TMEM272: variants seen among roughly 807,000 people sequenced by gnomAD.
The protein encoded by TMEM272 is long intergenic non-protein coding RNA 282.
A neutral mutation model predicts 3.7 loss-of-function variants in TMEM272; 8 were observed. The observed-to-expected ratio is 2.17, with a 90% confidence interval of 1.27 to 3.91. The LOEUF is 3.91. Among genes scored for constraint, TMEM272 ranks in the 30% most tolerant of loss-of-function variants. The pLI, the probability that TMEM272 is intolerant of heterozygous loss-of-function variation, is 0.00. For missense variants in TMEM272, 166 were observed against 91.5 expected (o/e 1.81, Z -3.32); for synonymous variants, 63 against 39.8 (o/e 1.58, Z -2.20).
At chr13:51,824,907 C>G (rs4941713) in intron 3 of TMEM272, among the ~76,000 whole-genome samples, 28,464 of 152,098 alleles carry the variant, frequency 0.19, 3,217 homozygotes, top group East Asian at 0.5. Context: ...GAGCCGAGAT[C>G]GCTCCACTGC....
chr13:51,833,088 G>A (rs529348228), intron 2 of TMEM272, among the ~76,000 whole-genome samples: 17 of 152,248 alleles, frequency 1.1e-4, no homozygotes, highest in African/African-American at 2.2e-4. Context: ...GATTTTTGAC[G>A]GGCTGAGTTG....
At chr13:51,896,642 C>T in the TMEM272 span, among the ~76,000 whole-genome samples, 1 of 152,140 alleles carries the variant, frequency 6.6e-6, no homozygotes, top group Non-Finnish European at 1.5e-5. Flanking sequence ...CAGAGGAGGT[C>T]CATCTCTTCC....
the TMEM272 span, among the ~76,000 whole-genome samples, chr13:51,914,848 T>C: frequency 6.6e-6 from 1 of 152,232 alleles, no homozygotes; most frequent in Admixed American, 6.5e-5. Flanking sequence ...AGGCCCACGT[T>C]TGAACTCCAG....
the TMEM272 span, chr13:51,910,459 C>G: frequency 1.7e-5 from 14 of 842,494 alleles, no homozygotes; most frequent in South Asian, 1.7e-4. Context: ...AAAAAGGGAA[C>G]AGCAACAAAT....
chr13:51,816,960 A>G lies in TMEM272; in HGVS notation c.355T>C (p.Phe119Leu), dbSNP rs1956034764. 2 of 702,936 alleles carry G rather than the reference A, an allele frequency of 2.8e-6. No individual in the cohort carries two copies. Among genetic ancestry groups the G allele is most frequent in the South Asian group, 1.5e-5 (1 of 67,602 alleles). The allele number at this position is 702,936 out of a possible 1,614,324, so 43.5% of individuals were successfully genotyped here. The change falls in exon 5 of 5, where the codon TTC (phenylalanine) becomes CTC (leucine). Residue 119 changes from phenylalanine (F) to leucine (L), a missense_variant. By Grantham distance (22) the Phe-to-Leu change is conservative. Coordinates refer to ENST00000629372, the MANE Select transcript of TMEM272 (RefSeq NM_001351003.2). ...AAGACCCAGTAGTTTCCCAGGATGAACCAGAGGAAGAGGAAGAGGCTCAGC... is the reference window on the plus strand; with the variant it reads ...AAGACCCAGTAGTTTCCCAGGATGAGCCAGAGGAAGAGGAAGAGGCTCAGC... ...LLLSLFLFLW[F>L]ILGNYWVFSV...
chr13:51,872,030 A>G, the TMEM272 span, among the ~76,000 whole-genome samples: 17 of 152,146 alleles, frequency 1.1e-4, no homozygotes, highest in Non-Finnish European at 1.5e-4. Context: ...GCTTCTAATA[A>G]CTGTTTTATC....
At chr13:51,854,140 T>A in the TMEM272 span, among the ~76,000 whole-genome samples, 1 of 152,202 alleles carries the variant, frequency 6.6e-6, no homozygotes. Flanking sequence ...TATATCCTTT[T>A]CAATCCCGTG....
At chr13:51,862,585 G>C in the TMEM272 span, among the ~76,000 whole-genome samples, 1 of 152,110 alleles carries the variant, frequency 6.6e-6, no homozygotes, top group Non-Finnish European at 1.5e-5. Context: ...AGAACATTTC[G>C]CTGGATGCCA....
the TMEM272 span, among the ~76,000 whole-genome samples, chr13:51,928,687 T>C: frequency 6.6e-6 from 1 of 152,048 alleles, no homozygotes; most frequent in African/African-American, 2.4e-5. Context: ...CTGGAGCAGT[T>C]TGTAGAGTGG....
At chr13:51,889,172 G>T in the TMEM272 span, among the ~76,000 whole-genome samples, 1 of 152,170 alleles carries the variant, frequency 6.6e-6, no homozygotes, top group East Asian at 1.9e-4. Context: ...GGGTAGAAGA[G>T]TATCTTTTTT....
chr13:51,899,835 A>G, the TMEM272 span, among the ~76,000 whole-genome samples: 1 of 152,266 alleles, frequency 6.6e-6, no homozygotes, highest in South Asian at 2.1e-4. Flanking sequence ...TTAAATTATG[A>G]ATAGAAATAA....
intron 4 of TMEM272, among the ~76,000 whole-genome samples, chr13:51,818,102 C>G (rs1956049862): frequency 6.6e-6 from 1 of 152,182 alleles, no homozygotes; most frequent in Non-Finnish European, 1.5e-5. Context: ...GGCTACCCAT[C>G]TCTCCCGAGG....
chr13:51,867,666 G>C, the TMEM272 span, among the ~76,000 whole-genome samples: 1 of 152,176 alleles, frequency 6.6e-6, no homozygotes, highest in Admixed American at 6.5e-5. Flanking sequence ...TGGGTTCCCT[G>C]CAAGTCCTCT....
At chr13:51,902,062 T>C in the TMEM272 span, among the ~76,000 whole-genome samples, 1 of 152,136 alleles carries the variant, frequency 6.6e-6, no homozygotes, top group African/African-American at 2.4e-5. Context: ...AAAGAATCAC[T>C]TGGGATGTGG....
the TMEM272 span, among the ~76,000 whole-genome samples, chr13:51,882,058 C>T: frequency 3.9e-5 from 6 of 152,228 alleles, no homozygotes; most frequent in East Asian, 1.9e-4. Context: ...ATTTCATTTA[C>T]GAAATTGTAT....
the TMEM272 span, chr13:51,910,606 C>T: frequency 1.6e-6 from 1 of 608,044 alleles, no homozygotes; most frequent in East Asian, 3.4e-5. Context: ...TGAGGGGTAG[C>T]CCTAGGCTCC....
intron 1 of TMEM272, among the ~76,000 whole-genome samples, chr13:51,839,708 T>C (rs929909732): frequency 6.6e-6 from 1 of 152,160 alleles, no homozygotes; most frequent in African/African-American, 2.4e-5. Context: ...ATGGTCATGA[T>C]GACAGAAGGA....
At position 51,813,514 on chromosome 13, in the gene TMEM272, T is replaced by A. The variant is rs1029661663; in HGVS notation, c.*3237A>T. The A allele has an allele frequency of 2.8e-6, 1 of 359,246 alleles. No homozygotes were observed. Among genetic ancestry groups the A allele is most frequent in the Non-Finnish European group, 4.9e-6 (1 of 202,054 alleles). The allele number at this position is 359,246 out of a possible 1,614,324, so 22.3% of individuals were successfully genotyped here. A position where few individuals can be genotyped will look rare whatever the true frequency, so the allele number is the denominator to read the frequency against. ...TGGAAGTGACATTATATTGTCCTCA[T>A]GGTGACAACCAGGATGGGCCTGACA... On this transcript the variant is annotated 3_prime_UTR_variant, in exon 5 of 5. Coordinates refer to ENST00000629372, the MANE Select transcript of TMEM272 (RefSeq NM_001351003.2).
chr13:51,816,330 T>C lies in TMEM272; in HGVS notation c.*421A>G. ...ATATCTTGTGTGAAAGTCTGTGCAC[T>C]TTCTATAACTTCAAGGTGACCATGG... On this transcript the variant is annotated 3_prime_UTR_variant, in exon 5 of 5. Coordinates refer to ENST00000629372, the MANE Select transcript of TMEM272 (RefSeq NM_001351003.2). 1 of 165,844 alleles carries C rather than the reference T, an allele frequency of 6.0e-6. No individual in the cohort carries two copies. The highest frequency in any genetic ancestry group is 1.3e-5 in the Non-Finnish European group (1 of 75,186). The allele number at this position is 165,844 out of a possible 1,614,324, so 10.3% of individuals were successfully genotyped here.
Sources: allele counts gnomAD v4.1 joint callset (sites outside exome capture counted in the v4.1 genomes callset), GRCh38; gene constraint gnomAD v4.1.1; transcripts MANE v1.5; gene names NCBI Gene and HGNC (gene_info 2026-07-23, HGNC 2026-07-21).